TAFA2: variants seen among roughly 807,000 people sequenced by gnomAD.
TAFA2 encodes chemokine-like protein TAFA-2.
Under a neutral mutation model 18.8 loss-of-function variants are expected in TAFA2, and 7 were observed. The observed-to-expected ratio is 0.37, with a 90% CI of 0.21 to 0.70. The LOEUF is 0.70. Among genes scored for constraint, TAFA2 ranks in the 30% least tolerant of loss-of-function variants. TAFA2 has a pLI of 0.53. For missense variants in TAFA2, 122 were observed against 158.1 expected (o/e 0.77, Z 1.23); for synonymous variants, 60 against 54.2 (o/e 1.11, Z -0.47).
At chr12:61,958,741 A>G (rs1878782972) in intron 1 of TAFA2, among the ~76,000 whole-genome samples, 1 of 151,958 alleles carries the variant, frequency 6.6e-6, no homozygotes, top group Admixed American at 6.6e-5. Flanking sequence ...CTGTGTGTTT[A>G]CCAACTCTGT....
At chr12:61,952,358 A>G (rs1390416096) in intron 1 of TAFA2, among the ~76,000 whole-genome samples, 1 of 152,180 alleles carries the variant, frequency 6.6e-6, no homozygotes, top group Non-Finnish European at 1.5e-5. Context: ...GTAAAATATT[A>G]AATACTGAAG....
chr12:62,128,175 CA>C (rs1176820923), intron 1 of TAFA2, among the ~76,000 whole-genome samples: 1 of 151,862 alleles, frequency 6.6e-6, no homozygotes, highest in South Asian at 2.1e-4. Context: ...CCTTCTAGGA[CA>C]AAAAAGATTA....
chr12:61,829,592 G>C (rs1872641427), intron 2 of TAFA2, among the ~76,000 whole-genome samples: 1 of 151,212 alleles, frequency 6.6e-6, no homozygotes. Flanking sequence ...ATTTAAAACA[G>C]CCAAAAAGTT....
At chr12:61,930,666 G>T (rs1288766841) in intron 1 of TAFA2, among the ~76,000 whole-genome samples, 2 of 152,112 alleles carry the variant, frequency 1.3e-5, no homozygotes, top group Non-Finnish European at 1.5e-5. Flanking sequence ...ATTACTTTAG[G>T]ACATTAGACT....
intron 1 of TAFA2, among the ~76,000 whole-genome samples, chr12:62,144,771 C>T (rs569906735): frequency 3.0e-4 from 46 of 152,288 alleles, no homozygotes; most frequent in African/African-American, 1.1e-3. Flanking sequence ...CATCCCAAGG[C>T]TGGCAGTTTT....
intron 1 of TAFA2, among the ~76,000 whole-genome samples, chr12:61,877,497 T>C (rs1358553125): frequency 6.6e-6 from 1 of 152,110 alleles, no homozygotes; most frequent in African/African-American, 2.4e-5. Flanking sequence ...AAGGTGGTGG[T>C]GGAAGCCTAT....
At chr12:62,170,245 T>C (rs1266506001) in intron 1 of TAFA2, among the ~76,000 whole-genome samples, 1 of 152,176 alleles carries the variant, frequency 6.6e-6, no homozygotes, top group African/African-American at 2.4e-5. Context: ...TCCAGTGTTA[T>C]CATAATAATA....
intron 2 of TAFA2, among the ~76,000 whole-genome samples, chr12:61,848,364 A>G (rs1873493251): frequency 6.6e-6 from 1 of 152,194 alleles, no homozygotes; most frequent in South Asian, 2.1e-4. Context: ...TGTATTTTGG[A>G]GGTGCTTGAT....
intron 1 of TAFA2, among the ~76,000 whole-genome samples, chr12:62,158,656 A>G (rs1043585876): frequency 6.6e-6 from 1 of 152,322 alleles, no homozygotes. Flanking sequence ...TACCCAGCCC[A>G]GTGATTGTGA....
chr12:61,971,545 T>TA (rs1214987902), intron 1 of TAFA2, among the ~76,000 whole-genome samples: 1 of 151,266 alleles, frequency 6.6e-6, no homozygotes, highest in South Asian at 2.1e-4. Flanking sequence ...TATGCAGCCA[T>TA]AAAAAAGGAT....
chr12:61,952,239 T>C (rs903064916), intron 1 of TAFA2, among the ~76,000 whole-genome samples: 1 of 152,142 alleles, frequency 6.6e-6, no homozygotes, highest in Admixed American at 6.6e-5. Flanking sequence ...CTCTCTGATG[T>C]AAAAATGTCC....
intron 2 of TAFA2, among the ~76,000 whole-genome samples, chr12:61,805,115 A>G (rs1871556772): frequency 6.6e-6 from 1 of 152,054 alleles, no homozygotes; most frequent in Non-Finnish European, 1.5e-5. Context: ...AGAAAAGGGT[A>G]TATGTCTGGT....
At chr12:61,875,908 T>C (rs1874823468) in intron 1 of TAFA2, among the ~76,000 whole-genome samples, 1 of 151,826 alleles carries the variant, frequency 6.6e-6, no homozygotes, top group African/African-American at 2.4e-5. Flanking sequence ...ATGACTACAT[T>C]TCACAACTGC....
chr12:62,130,606 C>T (rs553983889), intron 1 of TAFA2, among the ~76,000 whole-genome samples: 135 of 152,056 alleles, frequency 8.9e-4, no homozygotes, highest in African/African-American at 2.9e-3. Context: ...TTTCACTGGA[C>T]ATTTCCTGAG....
chr12:61,795,004 G>A (rs561351356), intron 2 of TAFA2, among the ~76,000 whole-genome samples: 20 of 152,294 alleles, frequency 1.3e-4, no homozygotes, highest in African/African-American at 3.8e-4. Flanking sequence ...GGCCATCAGA[G>A]AAATGCAAAT....
At chr12:61,903,871 G>C (rs1167436570) in intron 1 of TAFA2, among the ~76,000 whole-genome samples, 1 of 152,038 alleles carries the variant, frequency 6.6e-6, no homozygotes, top group Non-Finnish European at 1.5e-5. Flanking sequence ...TCTTTACAAA[G>C]TCAATTGTAA....
At chr12:62,193,350 C>T (rs2062635764), upstream of TAFA2, among the ~76,000 whole-genome samples, 1 of 152,156 alleles carries the variant, frequency 6.6e-6, no homozygotes, top group Non-Finnish European at 1.5e-5. Flanking sequence ...TTTCATACCT[C>T]TTTTTCAACT....
At chr12:61,990,366 G>A (rs1879963212) in intron 1 of TAFA2, among the ~76,000 whole-genome samples, 2 of 113,398 alleles carry the variant, frequency 1.8e-5, no homozygotes, top group South Asian at 6.0e-4. Context: ...TTGAGGCAGA[G>A]TCTCGCTCTT....
At chr12:61,747,607 T>C (rs1396041271) in intron 4 of TAFA2, among the ~76,000 whole-genome samples, 2 of 150,824 alleles carry the variant, frequency 1.3e-5, no homozygotes, top group African/African-American at 4.9e-5. Context: ...CAGTAAACTA[T>C]GGCAAGAACA....
Sources: gnomAD v4.1 joint callset for allele counts (sites outside exome capture counted in the v4.1 genomes callset) on GRCh38, gnomAD v4.1.1 for gene constraint, MANE v1.5 for transcripts, NCBI Gene and HGNC (gene_info 2026-07-23, HGNC 2026-07-21) for gene names.